MYO10: variants seen among roughly 807,000 people sequenced by gnomAD.
MYO10 encodes the protein myosin X, also known as unconventional myosin-X.
Under a neutral mutation model 257.3 loss-of-function variants are expected in MYO10, and 133 were observed. The observed-to-expected ratio is 0.52, with a 90% CI of 0.45 to 0.60. MYO10 has a LOEUF of 0.60. MYO10 is among the 20% of genes least tolerant of loss of function. The probability of loss-of-function intolerance (pLI) is 0.00; values close to 1 mark genes in which losing one functional copy is unlikely to be tolerated. For missense variants in MYO10, 2,399 were observed against 2,635.7 expected (o/e 0.91, Z 1.97); for synonymous variants, 1,104 against 1,028.6 (o/e 1.07, Z -1.40).
intron 15 of MYO10, 115 bp from the exon 16 acceptor site, chr5:16,762,228 T>C (rs776268358): frequency 1.2e-5 from 16 of 1,327,176 alleles, no homozygotes; most frequent in Non-Finnish European, 1.5e-5. Context: ...ATTTCCAAAC[T>C]TGCCATGGAT....
At position 16,699,512 on chromosome 5, in the gene MYO10, C is replaced by T. The variant is rs758063159; in HGVS notation, c.3494G>A (p.Arg1165Gln). Reference protein sequence around the residue: ...RFDTDDELSYRRDSVYSCVTL... With the variant: ...RFDTDDELSYQRDSVYSCVTL... ...GACACAGCTGTACACAGAGTCACGC[C>T]GGTATGAAAGCTCATCATCTGTATC... The change falls in exon 26 of 41, where the codon CGG (arginine) becomes CAG (glutamine). Residue 1165 changes from arginine (R) to glutamine (Q), a missense_variant. Arg to Gln is a conservative substitution (Grantham distance 43). Around this residue, in one of 3 missense-constraint regions of MYO10, gnomAD observed 1,820 missense variants for 1,939.4 expected, o/e 0.94. Transcript: ENST00000513610. The T allele has an allele frequency of 9.9e-6, 16 of 1,613,696 alleles. No individual in the cohort carries two copies. The East Asian group carries it at 1.1e-4, about 11-fold the overall frequency.
chr5:16,701,632 C>T lies in MYO10; in HGVS notation c.2763G>A (p.Glu921=). Residue 921 remains glutamate (E), a synonymous_variant, in exon 25 of 41, where the codon GAG becomes GAA. Transcript: ENST00000513610. The surrounding 1 kb of genome is among the most constrained non-coding windows in gnomAD (Gnocchi z 8.1). ...LTEASLQKLQ[E]RRDQELRRLE... ...GCCTGCGGAGCTCCTGGTCCCGCCGCTCCTGCAGCTTCTGCAGGGAAGCCT... is the reference window on the plus strand; with the variant it reads ...GCCTGCGGAGCTCCTGGTCCCGCCGTTCCTGCAGCTTCTGCAGGGAAGCCT... The T allele has an allele frequency of 6.2e-7, 1 of 1,613,766 alleles. No individual in the cohort carries two copies. Among genetic ancestry groups the T allele is most frequent in the Non-Finnish European group, 8.5e-7 (1 of 1,179,804 alleles).
At position 16,781,710 on chromosome 5, in the gene MYO10, A is replaced by G; in HGVS notation, c.722T>C (p.Val241Ala). 6.2e-7 allele frequency: 1 copy of G among 1,613,724 alleles called. No homozygotes were observed. The highest frequency in any genetic ancestry group is 8.5e-7 in the Non-Finnish European group (1 of 1,179,690). ...AAATAAATGAAAGAGGATACAATCT[A>G]CAATTCTCCCGCCCTGAATATTTCC... is the stretch of plus-strand genomic sequence containing the variant. ...QKGNIQGGRI[V>A]DYLLEKNRVV... The change falls in exon 6 of 41, where the codon GTA becomes GCA. Residue 241 changes from valine (V) to alanine (A), a missense_variant. By Grantham distance (64) the Val-to-Ala change is moderately conservative (BLOSUM62 0). Transcript: ENST00000513610.
chr5:16,727,319 G>C (rs1332060696), intron 19 of MYO10, among the ~76,000 whole-genome samples: 2 of 152,132 alleles, frequency 1.3e-5, no homozygotes, highest in Non-Finnish European at 2.9e-5. Flanking sequence ...AGGACTTGGA[G>C]AGTAAAACAA....
intron 19 of MYO10, among the ~76,000 whole-genome samples, chr5:16,748,734 C>T (rs1335219731): frequency 6.6e-6 from 1 of 152,094 alleles, no homozygotes; most frequent in Admixed American, 6.5e-5. Flanking sequence ...AATTATTACA[C>T]CTCTGGAAAC....
rs375453506 is a variant in MYO10 at position 16,884,930 on chromosome 5, A to G, written c.22-7223T>C. 2.2e-4 allele frequency among the ~76,000 whole-genome samples: 33 copies of G among 152,220 alleles called. No individual in the cohort carries two copies. In the South Asian group the frequency reaches 6.6e-3, roughly 31 times the overall value. On this transcript the variant is annotated intron_variant, in intron 1 of 40. Coordinates refer to ENST00000513610, the MANE Select transcript of MYO10 (RefSeq NM_012334.3). ...TGGCCAAACTGAAGGTGTTTACAAAACCATTCACTGTCAGTGACCTAGTTA... is the reference window on the plus strand; with the variant it reads ...TGGCCAAACTGAAGGTGTTTACAAAGCCATTCACTGTCAGTGACCTAGTTA...
intron 19 of MYO10, among the ~76,000 whole-genome samples, chr5:16,739,258 T>C (rs1319418211): frequency 1.3e-5 from 2 of 152,080 alleles, no homozygotes; most frequent in Non-Finnish European, 2.9e-5. Context: ...AAGTATCTCA[T>C]TTTAAACTTC....
intron 1 of MYO10, among the ~76,000 whole-genome samples, chr5:16,922,857 C>T (rs1376251103): frequency 6.6e-6 from 1 of 152,052 alleles, no homozygotes; most frequent in Non-Finnish European, 1.5e-5. Context: ...ATAGTGAGAC[C>T]TTATCTCTAT....
chr5:16,683,138 C>T (rs1481443294), intron 30 of MYO10, among the ~76,000 whole-genome samples: 3 of 152,184 alleles, frequency 2.0e-5, no homozygotes, highest in Admixed American at 6.5e-5. Flanking sequence ...GACCCCAGCA[C>T]TCTAACTCTG....
intron 19 of MYO10, among the ~76,000 whole-genome samples, chr5:16,722,158 G>C (rs753600355): frequency 2.6e-5 from 4 of 152,102 alleles, no homozygotes; most frequent in African/African-American, 4.8e-5. Context: ...AAACTGTCCC[G>C]ATGCATCCCA....
intron 29 of MYO10, among the ~76,000 whole-genome samples, chr5:16,684,988 G>A (rs1378202421): frequency 6.6e-6 from 1 of 152,040 alleles, no homozygotes; most frequent in African/African-American, 2.4e-5. Context: ...GGAGGTTGCA[G>A]TGAACTGAGA....
chr5:16,796,198 A>T lies in MYO10; in HGVS notation c.280-1365T>A, dbSNP rs1401395087. Among the ~76,000 whole-genome samples the T allele has an allele frequency of 7.9e-4, 96 of 120,894 alleles. 2 individuals are homozygous for T. The highest frequency in any genetic ancestry group is 2.8e-3 in the African/African-American group (92 of 33,320). The allele number at this position is 120,894 out of a possible 152,430, so 79.3% of individuals were successfully genotyped here. A position where few individuals can be genotyped will look rare whatever the true frequency, so the allele number is the denominator to read the frequency against. On this transcript the variant is annotated intron_variant, in intron 3 of 40. Coordinates refer to ENST00000513610, the MANE Select transcript of MYO10 (RefSeq NM_012334.3). ...AGCGAGACTCTGTCAAAAAAAAAAA[A>T]AAAAAGAAAGAACAGAGAGAGAGCG...
intron 3 of MYO10, among the ~76,000 whole-genome samples, chr5:16,800,582 G>T (rs1742092159): frequency 6.6e-6 from 1 of 152,082 alleles, no homozygotes; most frequent in Non-Finnish European, 1.5e-5. Context: ...ACTCATTCAG[G>T]CTCTCCGCCC....
rs766146164 is a variant in MYO10 at position 16,766,072 on chromosome 5, G to A, written c.1179+8C>T. The A allele has an allele frequency of 1.1e-5, 17 of 1,585,562 alleles. No individual in the cohort carries two copies. The highest frequency in any genetic ancestry group is 2.7e-5 in the African/African-American group (2 of 74,220). On this transcript the variant is annotated splice_region_variant and intron_variant, in intron 11 of 40. Transcript: ENST00000513610. Reference sequence around the variant, plus strand: ...GTAACGCAAGATCAGATGGCAAAGCGTGTGTACCTGTTGAACATTGAGAGG... The same window carrying A: ...GTAACGCAAGATCAGATGGCAAAGCATGTGTACCTGTTGAACATTGAGAGG...
intron 3 of MYO10, among the ~76,000 whole-genome samples, chr5:16,816,517 C>G (rs1228196541): frequency 6.6e-6 from 1 of 151,494 alleles, no homozygotes; most frequent in African/African-American, 2.4e-5. Context: ...CACCTACTAT[C>G]CATTTTAAGG....
chr5:16,840,150 C>T (rs910880504), intron 2 of MYO10, among the ~76,000 whole-genome samples: 1 of 152,118 alleles, frequency 6.6e-6, no homozygotes, highest in Non-Finnish European at 1.5e-5. Flanking sequence ...TGGTGGCTCA[C>T]GCCTATAATC....
At chr5:16,725,330 G>C (rs974390284) in intron 19 of MYO10, among the ~76,000 whole-genome samples, 2 of 151,854 alleles carry the variant, frequency 1.3e-5, no homozygotes, top group Non-Finnish European at 2.9e-5. Context: ...TCCTGACCTT[G>C]TGATCTGCCT....
At chr5:16,917,231 T>C (rs1322772451) in intron 1 of MYO10, among the ~76,000 whole-genome samples, 1 of 151,924 alleles carries the variant, frequency 6.6e-6, no homozygotes, top group African/African-American at 2.4e-5. Flanking sequence ...CCCCGAAGAG[T>C]ACACTATGGA....
Position 16,701,523 on chromosome 5 carries a change from C to T in MYO10, c.2872G>A (p.Glu958Lys), listed in dbSNP as rs758189685. 2.0e-5 allele frequency: 32 copies of T among 1,613,824 alleles called. No individual in the cohort carries two copies. The highest frequency in any genetic ancestry group is 1.0e-4 in the Admixed American group (6 of 60,006). The change falls in exon 25 of 41, where the codon GAG becomes AAG. Residue 958 changes from glutamate (E) to lysine (K), a missense_variant. Transcript: ENST00000513610. This position sits in a 1 kb window ranked among gnomAD's most constrained non-coding sequence, Gnocchi z 8.1. ...DEIDECVRNI[E>K]RSLSVGSEFS... is the part of the protein sequence containing the mutation. ...TCGCTTCCCACCGACAGGGACCGCT[C>T]GATATTCCGGACACACTCGTCGATC...
Sources: allele counts gnomAD v4.1 joint callset (sites outside exome capture counted in the v4.1 genomes callset), GRCh38; gene constraint gnomAD v4.1.1; regional missense constraint gnomAD v4.1.1; non-coding constraint Gnocchi (gnomAD v3.1); transcripts MANE v1.5; gene names NCBI Gene and HGNC (gene_info 2026-07-23, HGNC 2026-07-21).